Variants in SEPTIN9 observed in about 807,000 individuals in gnomAD.
The protein encoded by SEPTIN9 is septin-9.
In SEPTIN9, 13 loss-of-function variants were observed where a neutral mutation model predicts 56.6. The observed-to-expected ratio is 0.23, with a 90% CI of 0.15 to 0.37. The LOEUF (loss-of-function observed/expected upper bound fraction) is 0.37. Ranked by LOEUF, SEPTIN9 falls within the 10% of genes least tolerant of loss-of-function variation. The pLI is 1.00. For synonymous variants in SEPTIN9, 332 were observed against 334.1 expected, an observed-to-expected ratio of 0.99 and a Z score of 0.07; for missense variants, 650 against 823.1, an observed-to-expected ratio of 0.79 and a Z score of 2.57.
intron 2 of SEPTIN9, among the ~76,000 whole-genome samples, chr17:77,309,692 A>G (rs2032406917): frequency 6.6e-6 from 1 of 152,132 alleles, no homozygotes; most frequent in Non-Finnish European, 1.5e-5. Context: ...AAAAGCTTAA[A>G]TGACACCATG....
intron 2 of SEPTIN9, among the ~76,000 whole-genome samples, chr17:77,387,217 C>T (rs1046014007): frequency 1.3e-5 from 2 of 152,240 alleles, no homozygotes; most frequent in African/African-American, 4.8e-5. Context: ...CGGGAGGCTC[C>T]GGCCCAGGCC....
intron 3 of SEPTIN9, among the ~76,000 whole-genome samples, chr17:77,416,553 A>T (rs2036515337): frequency 6.6e-6 from 1 of 152,178 alleles, no homozygotes. Context: ...CAGCTGCCCC[A>T]TGGAGGAGCT....
intron 3 of SEPTIN9, among the ~76,000 whole-genome samples, chr17:77,481,626 C>CATGGGGAGGTGGGAGGCGGGGACACACG (rs1568107216): frequency 1.3e-5 from 2 of 152,212 alleles, no homozygotes; most frequent in African/African-American, 4.8e-5. Context: ...CAAGACCATC[C>CATGGGGAGGTGGGAGGCGGGGACACACG]CTCCTGTGTC....
Position 77,492,915 on chromosome 17 carries a change from G to T in SEPTIN9, c.1477-65G>T. The T allele has an allele frequency of 6.8e-7, 1 of 1,460,756 alleles. No individual in the cohort carries two copies. Among genetic ancestry groups the T allele is most frequent in the Non-Finnish European group, 9.4e-7 (1 of 1,062,668 alleles). The allele number at this position is 1,460,756 out of a possible 1,614,324, so 90.5% of individuals were successfully genotyped here. On this transcript the variant is annotated intron_variant, in intron 9 of 11. Coordinates refer to ENST00000427177, the MANE Select transcript of SEPTIN9 (RefSeq NM_001113491.2). The surrounding 1 kb of genome is among the most constrained non-coding windows in gnomAD (Gnocchi z 5.4). ...CCCAGGCTCAGGGCAGCTCCTCCCGGGGGCCCAGGGGAGGGAATTGCCTTC... is the reference window on the plus strand; with the variant it reads ...CCCAGGCTCAGGGCAGCTCCTCCCGTGGGCCCAGGGGAGGGAATTGCCTTC...
At chr17:77,393,581 TTTTA>T (rs112226253) in intron 2 of SEPTIN9, among the ~76,000 whole-genome samples, 13 of 151,862 alleles carry the variant, frequency 8.6e-5, no homozygotes, top group South Asian at 4.2e-4. Flanking sequence ...GAATCTTATT[TTTTA>T]TTTATTTATT....
At chr17:77,356,267 C>T (rs2143827835) in intron 2 of SEPTIN9, among the ~76,000 whole-genome samples, 1 of 152,286 alleles carries the variant, frequency 6.6e-6, no homozygotes, top group East Asian at 1.9e-4. Context: ...GGGCACCGTG[C>T]ACCTGGCATG....
intron 10 of SEPTIN9, 32 bp downstream of exon 10, chr17:77,493,108 G>A (rs2040106487): frequency 1.3e-6 from 2 of 1,492,178 alleles, no homozygotes; most frequent in Non-Finnish European, 1.8e-6. Flanking sequence ...GCTCCAGACA[G>A]ATGGGAAGAC....
intron 2 of SEPTIN9, among the ~76,000 whole-genome samples, chr17:77,308,974 AAG>A: frequency 6.6e-6 from 1 of 152,330 alleles, no homozygotes. Context: ...CGCTGTGGTT[AAG>A]AGGGGCTCCG....
At chr17:77,361,639 C>CTTTTT (rs1414582082) in intron 2 of SEPTIN9, among the ~76,000 whole-genome samples, 1 of 144,966 alleles carries the variant, frequency 6.9e-6, no homozygotes. Context: ...CTTTTCTTTT[C>CTTTTT]TTTTTTTTTT....
chr17:77,430,202 C>A lies in SEPTIN9; in HGVS notation c.721+27499C>A, dbSNP rs1307143119. 3.3e-5 allele frequency among the ~76,000 whole-genome samples: 5 copies of A among 152,148 alleles called. No individual in the cohort carries two copies. The East Asian group carries it at 9.6e-4, about 29-fold the overall frequency. On this transcript the variant is annotated intron_variant, in intron 3 of 11. Transcript: ENST00000427177. ...CTTGCGGGTGCTGGCCACCCTCCCCCCGCCAGCTCCATCCCCAGCTTTCTC... is the reference window on the plus strand; with the variant it reads ...CTTGCGGGTGCTGGCCACCCTCCCCACGCCAGCTCCATCCCCAGCTTTCTC...
intron 1 of SEPTIN9, among the ~76,000 whole-genome samples, chr17:77,296,028 C>A (rs1320168129): frequency 2.6e-5 from 4 of 152,106 alleles, no homozygotes; most frequent in African/African-American, 9.7e-5. Context: ...GGGCAGGACC[C>A]TAATCTAATA....
In SEPTIN9 at chr17:77,436,163, A is replaced by G. The variant is rs879890582; in HGVS notation, c.721+33460A>G. ...GTGTGAGGATGCCTGCTGGAAGCCA[A>G]CGTGCACGAAAGAGTTAATGGTGGA... On this transcript the variant is annotated intron_variant, in intron 3 of 11. Transcript: ENST00000427177. The surrounding 1 kb of genome is among the most constrained non-coding windows in gnomAD (Gnocchi z 4.4). 3.3e-5 allele frequency among the ~76,000 whole-genome samples: 5 copies of G among 152,044 alleles called. No homozygotes were observed. The highest frequency in any genetic ancestry group is 4.1e-4 in the South Asian group (2 of 4,822).
chr17:77,394,663 CTG>C lies in SEPTIN9; in HGVS notation c.77-7393_77-7392del, dbSNP rs546628416. Among the ~76,000 whole-genome samples the C allele has an allele frequency of 6.9e-4, 105 of 152,344 alleles. 2 individuals are homozygous for C. In the South Asian group the frequency reaches 0.021, roughly 30 times the overall value. On this transcript the variant is annotated intron_variant, in intron 2 of 11. Coordinates refer to ENST00000427177, the MANE Select transcript of SEPTIN9 (RefSeq NM_001113491.2). ...ATTTGTCCCAGGCTGGAGCAGGGCTCTGTGGCTCGCTTGGTGTTCCCTCCCCA... is the reference window on the plus strand; with the variant it reads ...ATTTGTCCCAGGCTGGAGCAGGGCTCTGGCTCGCTTGGTGTTCCCTCCCCA...
chr17:77,370,191 C>T (rs1320760997), intron 2 of SEPTIN9, among the ~76,000 whole-genome samples: 1 of 152,224 alleles, frequency 6.6e-6, no homozygotes, highest in East Asian at 1.9e-4. Context: ...GGGAATGTGT[C>T]CTCTCACAGT....
chr17:77,490,589 G>A (rs987153547), intron 7 of SEPTIN9, among the ~76,000 whole-genome samples, 153 bp from the exon 8 acceptor site: 3 of 152,178 alleles, frequency 2.0e-5, no homozygotes, highest in Admixed American at 6.5e-5. Flanking sequence ...CACTCACAGC[G>A]TGGCCGACTC....
rs2033260585 is a variant in SEPTIN9 at position 77,329,316 on chromosome 17, C to T, written c.76+22119C>T. Among the ~76,000 whole-genome samples, 1 of 152,178 alleles carries T rather than the reference C, an allele frequency of 6.6e-6. No individual in the cohort carries two copies. The highest frequency in any genetic ancestry group is 6.5e-5 in the Admixed American group (1 of 15,292). ...GATCTCTTTGATTGCTGGATGGACC[C>T]ACCTGCCTGGCTGCCCCCGTCAGCA... On this transcript the variant is annotated intron_variant, in intron 2 of 11. Coordinates refer to ENST00000427177, the MANE Select transcript of SEPTIN9 (RefSeq NM_001113491.2). This position sits in a 1 kb window ranked among gnomAD's most constrained non-coding sequence, Gnocchi z 4.3.
At chr17:77,351,077 T>C (rs1198225145) in intron 2 of SEPTIN9, among the ~76,000 whole-genome samples, 6 of 151,784 alleles carry the variant, frequency 4.0e-5, no homozygotes, top group Admixed American at 1.3e-4. Flanking sequence ...TGTGTGCCTG[T>C]GTGCTGTGTA....
At position 77,407,344 on chromosome 17, in the gene SEPTIN9, T is replaced by C. The variant is rs370773268; in HGVS notation, c.721+4641T>C. ...TACCAAGTAAGTGACTTGGACATAA[T>C]AGGTGTGCCATGAAATTATGCTGAA... On this transcript the variant is annotated intron_variant, in intron 3 of 11. Transcript: ENST00000427177. Among the ~76,000 whole-genome samples, 9 of 138,448 alleles carry C rather than the reference T, an allele frequency of 6.5e-5. No homozygotes were observed. The East Asian group carries it at 1.1e-3, about 17-fold the overall frequency. The allele number at this position is 138,448 out of a possible 152,430, so 90.8% of individuals were successfully genotyped here.
chr17:77,300,864 C>T (rs147880884), intron 1 of SEPTIN9, among the ~76,000 whole-genome samples: 3,444 of 102,798 alleles, frequency 0.034, 151 homozygotes, highest in African/African-American at 0.063. Context: ...CAAACCGCCC[C>T]CATCCCAGCT....
Sources: allele counts gnomAD v4.1 joint callset (sites outside exome capture counted in the v4.1 genomes callset), GRCh38; gene constraint gnomAD v4.1.1; non-coding constraint Gnocchi (gnomAD v3.1); transcripts MANE v1.5; gene names NCBI Gene and HGNC (gene_info 2026-07-23, HGNC 2026-07-21).